Variants in FBXO25 observed in about 807,000 individuals in gnomAD.
FBXO25 encodes the protein F-box protein 25.
A neutral mutation model predicts 51.9 loss-of-function variants in FBXO25; 45 were observed. The ratio of observed to expected loss-of-function variants is 0.87; its 90% confidence interval spans 0.68 to 1.11. The LOEUF (loss-of-function observed/expected upper bound fraction) is 1.11, where lower values mean the gene tolerates loss of function less well. Among genes scored for constraint, FBXO25 ranks in the 50% most tolerant of loss-of-function variants. The pLI, the probability that FBXO25 is intolerant of heterozygous loss-of-function variation, is 0.00. For synonymous variants in FBXO25, 199 were observed against 151.0 expected (o/e 1.32, Z -2.33); for missense variants, 507 against 428.5 (o/e 1.18, Z -1.62).
intron 2 of FBXO25, among the ~76,000 whole-genome samples, chr8:424,667 G>A (rs1449952283): frequency 2.6e-5 from 4 of 152,162 alleles, no homozygotes; most frequent in Non-Finnish European, 5.9e-5. Flanking sequence ...AGATTGAATG[G>A]TTGTAGGTGT....
intron 2 of FBXO25, among the ~76,000 whole-genome samples, chr8:424,218 GTTGT>G (rs1267615517): frequency 6.6e-6 from 1 of 151,654 alleles, no homozygotes; most frequent in Non-Finnish European, 1.5e-5. Flanking sequence ...TTTTAATGGG[GTTGT>G]TTGTTTTTTT....
chr8:409,883 T>A (rs1796386198), intron 1 of FBXO25, among the ~76,000 whole-genome samples: 1 of 152,208 alleles, frequency 6.6e-6, no homozygotes, highest in Non-Finnish European at 1.5e-5. Flanking sequence ...ACACCTTTGA[T>A]ATTCTTCTAT....
At chr8:460,352 G>A (rs1436060102) in intron 8 of FBXO25, among the ~76,000 whole-genome samples, 1 of 152,082 alleles carries the variant, frequency 6.6e-6, no homozygotes, top group Non-Finnish European at 1.5e-5. Context: ...GCACCTGCAG[G>A]TGCATCTCAT....
At chr8:466,850 G>C (rs1187266336) in intron 9 of FBXO25, among the ~76,000 whole-genome samples, 3 of 152,292 alleles carry the variant, frequency 2.0e-5, no homozygotes, top group Admixed American at 6.5e-5. Context: ...GACTTCGATG[G>C]CCCTGCGAGG....
chr8:449,422 C>T (rs896570668), intron 5 of FBXO25, among the ~76,000 whole-genome samples: 1 of 152,208 alleles, frequency 6.6e-6, no homozygotes, highest in Non-Finnish European at 1.5e-5. Context: ...TCCCAGAATA[C>T]AAATTCTACA....
intron 7 of FBXO25, among the ~76,000 whole-genome samples, chr8:453,018 T>G (rs73669384): frequency 1.3e-5 from 2 of 152,084 alleles, no homozygotes; most frequent in Non-Finnish European, 2.9e-5. Flanking sequence ...CCATAGCCAG[T>G]GAAGGAAGAC....
rs1800415215 is a variant in FBXO25, at chr8:469,727, A to G, written c.*923A>G. Reference sequence around the variant, plus strand: ...CCCAAAGATTATTGTGCATGCTGAAAAGAGTATGAAAAATCCCCTCAGCAG... The same window carrying G: ...CCCAAAGATTATTGTGCATGCTGAAGAGAGTATGAAAAATCCCCTCAGCAG... On this transcript the variant is annotated 3_prime_UTR_variant, in exon 10 of 10. Coordinates refer to ENST00000350302, the MANE Select transcript of FBXO25 (RefSeq NM_183420.2). The G allele has an allele frequency of 6.6e-6, 1 of 152,324 alleles. No individual in the cohort carries two copies. Among genetic ancestry groups the G allele is most frequent in the East Asian group, 1.9e-4 (1 of 5,194 alleles). 9.4% of individuals were successfully genotyped at this position (152,324 alleles called of 1,614,324 possible).
intron 2 of FBXO25, among the ~76,000 whole-genome samples, chr8:414,937 A>G (rs1241479362): frequency 1.3e-5 from 2 of 152,186 alleles, no homozygotes; most frequent in Non-Finnish European, 2.9e-5. Flanking sequence ...ACCAAAATGG[A>G]AATCCAAACC....
intron 1 of FBXO25, among the ~76,000 whole-genome samples, chr8:407,992 C>A (rs1185958991): frequency 6.6e-6 from 1 of 152,204 alleles, no homozygotes; most frequent in Non-Finnish European, 1.5e-5. Context: ...CAAATCCTTA[C>A]CATCCGGCCC....
rs1240139923 is a variant in FBXO25 at position 473,483 on chromosome 8, G to A, written c.*4679G>A. The A allele has an allele frequency of 6.6e-6, 1 of 152,256 alleles. No individual in the cohort carries two copies. Among genetic ancestry groups the A allele is most frequent in the East Asian group, 1.9e-4 (1 of 5,196 alleles). The allele number at this position is 152,256 out of a possible 1,614,324, so 9.4% of individuals were successfully genotyped here. A position where few individuals can be genotyped will look rare whatever the true frequency, so the allele number is the denominator to read the frequency against. On this transcript the variant is annotated 3_prime_UTR_variant, in exon 10 of 10. Transcript: ENST00000350302. ...GCACCTGCCCCAATACAGGCCACGT[G>A]GATCTGCCATTGCTTTTCACGTGAA...
At chr8:462,926 TAAAATG>T in intron 8 of FBXO25, 75 bp from the exon 9 acceptor site, 2 of 1,491,200 alleles carry the variant, frequency 1.3e-6, no homozygotes, top group Non-Finnish European at 1.8e-6. Context: ...AAAACTAAAA[TAAAATG>T]AAAAAGTTTT....
intron 2 of FBXO25, among the ~76,000 whole-genome samples, chr8:422,143 T>C (rs909975659): frequency 3.9e-5 from 6 of 152,308 alleles, no homozygotes; most frequent in African/African-American, 1.4e-4. Flanking sequence ...ATAGAATATC[T>C]GCCAAGTCTC....
intron 5 of FBXO25, among the ~76,000 whole-genome samples, chr8:439,672 G>A (rs1798308233): frequency 6.6e-6 from 1 of 152,148 alleles, no homozygotes; most frequent in South Asian, 2.1e-4. Context: ...CCTGGGCATT[G>A]CTCTGCCCCT....
chr8:435,657 G>T lies in FBXO25; in HGVS notation c.331G>T (p.Asp111Tyr), dbSNP rs781053280. ...CTTGGGAGAAGCCTTTAATCGGTTAGACTTCTCAAGTGCAATTCAAGATAT... is the reference window on the plus strand; with the variant it reads ...CTTGGGAGAAGCCTTTAATCGGTTATACTTCTCAAGTGCAATTCAAGATAT... ...CTLGEAFNRL[D>Y]FSSAIQDIRR... is the part of the protein sequence containing the mutation. The change falls in exon 5 of 10, where the codon GAC becomes TAC. Residue 111 changes from aspartate (D) to tyrosine (Y), a missense_variant. By Grantham distance (160) the Asp-to-Tyr change is radical. Transcript: ENST00000350302. The T allele has an allele frequency of 6.2e-7, 1 of 1,605,350 alleles. No homozygotes were observed.
At chr8:460,154 C>G (rs775429327) in intron 8 of FBXO25, among the ~76,000 whole-genome samples, 1 of 152,124 alleles carries the variant, frequency 6.6e-6, no homozygotes, top group African/African-American at 2.4e-5. Flanking sequence ...CTATCACGTG[C>G]AGGCCCGAGC....
In FBXO25 at chr8:472,721, C is replaced by T. The variant is rs1029708783; in HGVS notation, c.*3917C>T. On this transcript the variant is annotated 3_prime_UTR_variant, in exon 10 of 10. Coordinates refer to ENST00000350302, the MANE Select transcript of FBXO25 (RefSeq NM_183420.2). ...TCCTTTAAGAGGATAAGACCATTTT[C>T]TCCAGAGATGCCTTTTAATGGTTTT... 3 of 152,252 alleles carry T rather than the reference C, an allele frequency of 2.0e-5. No homozygotes were observed. Among genetic ancestry groups the T allele is most frequent in the Non-Finnish European group, 4.4e-5 (3 of 68,048 alleles). 9.4% of individuals were successfully genotyped at this position (152,252 alleles called of 1,614,324 possible).
intron 7 of FBXO25, among the ~76,000 whole-genome samples, chr8:453,222 A>G (rs1180726462): frequency 6.6e-6 from 1 of 152,204 alleles, no homozygotes; most frequent in East Asian, 1.9e-4. Context: ...TGATAACACA[A>G]AGGTGCCAGT....
rs1339419385 is a variant in FBXO25 at position 471,379 on chromosome 8, A to C, written c.*2575A>C. 6.6e-6 allele frequency: 1 copy of C among 152,152 alleles called. No homozygotes were observed. Among genetic ancestry groups the C allele is most frequent in the East Asian group, 1.9e-4 (1 of 5,200 alleles). 9.4% of individuals were successfully genotyped at this position (152,152 alleles called of 1,614,324 possible). On this transcript the variant is annotated 3_prime_UTR_variant, in exon 10 of 10. Transcript: ENST00000350302. ...GACAACACCAAACAGAGATGAGAAG[A>C]GAAATCATAGATCTCCACTTTGGAA...
chr8:467,834 C>T, intron 9 of FBXO25: 1 of 1,600,188 alleles, frequency 6.2e-7, no homozygotes, highest in Non-Finnish European at 8.6e-7. Flanking sequence ...TGGCCACTGC[C>T]CGGCTCGATT....
Sources: allele counts gnomAD v4.1 joint callset (sites outside exome capture counted in the v4.1 genomes callset), GRCh38; gene constraint gnomAD v4.1.1; transcripts MANE v1.5; gene names NCBI Gene and HGNC (gene_info 2026-07-23, HGNC 2026-07-21).